Variants in LRMDA observed in about 807,000 individuals in gnomAD.
LRMDA encodes leucine-rich melanocyte differentiation-associated protein.
LRMDA carries 18 observed loss-of-function variants against 29.8 expected under a neutral mutation model. That is an observed-to-expected ratio of 0.60 (90% CI 0.42 to 0.90). LRMDA has a LOEUF of 0.90. Among genes scored for constraint, LRMDA ranks in the 40% least tolerant of loss-of-function variants. LRMDA has a pLI of 0.00. For missense variants in LRMDA, 273 were observed against 273.9 expected (o/e 1.00, Z 0.02); for synonymous variants, 125 against 109.4 (o/e 1.14, Z -0.89).
intron 2 of LRMDA, chr10:75,783,098 G>T: frequency 1.9e-6 from 3 of 1,559,658 alleles, no homozygotes; most frequent in South Asian, 1.1e-5. Flanking sequence ...AATGATGAAG[G>T]CTGGCTGTCA....
chr10:75,842,858 T>TAA (rs57455428), intron 2 of LRMDA, among the ~76,000 whole-genome samples: 3 of 143,260 alleles, frequency 2.1e-5, no homozygotes, highest in African/African-American at 5.1e-5. Flanking sequence ...CCCTGTTTCT[T>TAA]AAAAAAAAAA....
intron 5 of LRMDA, among the ~76,000 whole-genome samples, chr10:76,141,264 C>T (rs1030997245): frequency 6.6e-6 from 1 of 152,010 alleles, no homozygotes; most frequent in Non-Finnish European, 1.5e-5. Flanking sequence ...TCCATTCCAA[C>T]TAAGAACATG....
intron 2 of LRMDA, among the ~76,000 whole-genome samples, chr10:75,638,295 G>C (rs1841412642): frequency 6.6e-6 from 1 of 152,116 alleles, no homozygotes; most frequent in African/African-American, 2.4e-5. Flanking sequence ...GGTTTTTCCT[G>C]TTTTAACTGA....
At chr10:75,984,326 A>T (rs2132452689) in intron 2 of LRMDA, among the ~76,000 whole-genome samples, 1 of 152,264 alleles carries the variant, frequency 6.6e-6, no homozygotes, top group Middle Eastern at 3.4e-3. Flanking sequence ...AAGAGACAAG[A>T]GCTCAGGCCT....
At chr10:75,476,740 G>T (rs1298839563) in intron 2 of LRMDA, among the ~76,000 whole-genome samples, 1 of 152,122 alleles carries the variant, frequency 6.6e-6, no homozygotes, top group Non-Finnish European at 1.5e-5. Context: ...GTTTATGCTG[G>T]ACCCCTTGTA....
intron 6 of LRMDA, among the ~76,000 whole-genome samples, chr10:76,341,837 G>A (rs1266857682): frequency 6.6e-6 from 1 of 152,114 alleles, no homozygotes; most frequent in Non-Finnish European, 1.5e-5. Context: ...AAGGGTGAGA[G>A]TCCCAAGAGA....
intron 6 of LRMDA, among the ~76,000 whole-genome samples, chr10:76,354,599 T>C (rs190597737): frequency 1.3e-5 from 2 of 152,300 alleles, no homozygotes; most frequent in East Asian, 1.9e-4. Flanking sequence ...TAGTACTTTA[T>C]GTTAAAGGCC....
chr10:76,035,934 A>G, intron 2 of LRMDA, 74 bp from the exon 3 acceptor site: 2 of 1,546,190 alleles, frequency 1.3e-6, no homozygotes, highest in Non-Finnish European at 1.7e-6. Context: ...GAAGGTTAAA[A>G]TATTTATTTC....
At chr10:76,369,128 G>C (rs1191742635) in intron 6 of LRMDA, among the ~76,000 whole-genome samples, 3 of 152,142 alleles carry the variant, frequency 2.0e-5, no homozygotes, top group Non-Finnish European at 4.4e-5. Flanking sequence ...GTGAGGTGCT[G>C]TTGCTTTTAT....
chr10:75,485,849 G>A (rs192001637), intron 2 of LRMDA, among the ~76,000 whole-genome samples: 2 of 152,072 alleles, frequency 1.3e-5, no homozygotes, highest in Non-Finnish European at 2.9e-5. Flanking sequence ...AAGTGCTGGG[G>A]TTACAGATGT....
At chr10:76,448,322 A>T (rs570186033) in intron 6 of LRMDA, among the ~76,000 whole-genome samples, 1 of 152,150 alleles carries the variant, frequency 6.6e-6, no homozygotes, top group Non-Finnish European at 1.5e-5. Flanking sequence ...TAATGTCCCA[A>T]CATATGGAGG....
At chr10:75,956,354 G>A (rs1193800636) in intron 2 of LRMDA, among the ~76,000 whole-genome samples, 1 of 152,182 alleles carries the variant, frequency 6.6e-6, no homozygotes. Flanking sequence ...AAATAAATCA[G>A]CAGCGCTTAT....
intron 2 of LRMDA, among the ~76,000 whole-genome samples, chr10:75,870,036 G>A (rs1845082848): frequency 6.6e-6 from 1 of 152,152 alleles, no homozygotes; most frequent in Non-Finnish European, 1.5e-5. Flanking sequence ...GGCTGTGGGT[G>A]ATAACTAAGC....
At chr10:75,733,030 A>G (rs1842718116) in intron 2 of LRMDA, among the ~76,000 whole-genome samples, 1 of 152,250 alleles carries the variant, frequency 6.6e-6, no homozygotes, top group Non-Finnish European at 1.5e-5. Context: ...TTCCTGAATT[A>G]TAAGCCCAAA....
intron 2 of LRMDA, among the ~76,000 whole-genome samples, chr10:75,956,649 A>C (rs1465118579): frequency 1.3e-5 from 2 of 152,080 alleles, no homozygotes; most frequent in African/African-American, 4.8e-5. Flanking sequence ...GGCTGCTTCT[A>C]CCTGGTTGCT....
At chr10:75,963,750 G>C (rs983246456) in intron 2 of LRMDA, among the ~76,000 whole-genome samples, 18 of 152,190 alleles carry the variant, frequency 1.2e-4, no homozygotes, top group African/African-American at 4.3e-4. Flanking sequence ...TGAAATTGTG[G>C]AGATGGCAGT....
chr10:76,551,295 C>T (rs985058428), intron 6 of LRMDA, among the ~76,000 whole-genome samples: 24 of 151,094 alleles, frequency 1.6e-4, no homozygotes, highest in African/African-American at 5.8e-4. Flanking sequence ...ATATTTAATC[C>T]GTATATATTT....
intron 2 of LRMDA, among the ~76,000 whole-genome samples, chr10:75,684,777 A>C (rs993007637): frequency 3.9e-5 from 6 of 152,198 alleles, no homozygotes; most frequent in Non-Finnish European, 8.8e-5. Flanking sequence ...TTTGGGGCTT[A>C]ATGGACCACC....
chr10:76,404,293 T>A (rs1841879929), intron 6 of LRMDA, among the ~76,000 whole-genome samples: 1 of 152,158 alleles, frequency 6.6e-6, no homozygotes, highest in Non-Finnish European at 1.5e-5. Context: ...TTATTATTAT[T>A]ATGAGTGTTT....
Sources: gnomAD v4.1 joint callset for allele counts (sites outside exome capture counted in the v4.1 genomes callset) on GRCh38, gnomAD v4.1.1 for gene constraint, MANE v1.5 for transcripts, NCBI Gene and HGNC (gene_info 2026-07-23, HGNC 2026-07-21) for gene names.